The following ITGA2 variants were observed in gnomAD, a reference collection of about 807,000 sequenced individuals.
ITGA2 encodes the protein integrin subunit alpha 2, also known as integrin alpha-2.
Under a neutral mutation model 146.3 loss-of-function variants are expected in ITGA2, and 101 were observed. That is an observed-to-expected ratio of 0.69 (90% CI 0.59 to 0.81). ITGA2 has a LOEUF of 0.81. Ranked by LOEUF, ITGA2 falls within the 40% of genes least tolerant of loss-of-function variation. The pLI, the probability that ITGA2 is intolerant of heterozygous loss-of-function variation, is 0.00. For missense variants in ITGA2, 1,281 were observed against 1,402.7 expected, an observed-to-expected ratio of 0.91 and a Z score of 1.39; for synonymous variants, 477 against 487.1, an observed-to-expected ratio of 0.98 and a Z score of 0.27.
intron 1 of ITGA2, among the ~76,000 whole-genome samples, chr5:53,011,737 G>A (rs894712262): frequency 9.2e-5 from 9 of 97,678 alleles, no homozygotes; most frequent in Admixed American, 4.5e-4. Context: ...ATATGTGAGT[G>A]GGGGGGAGTG....
intron 20 of ITGA2, 49 bp from the exon 21 acceptor site, chr5:53,074,336 C>T: frequency 6.7e-7 from 1 of 1,482,652 alleles, no homozygotes; most frequent in Non-Finnish European, 9.4e-7. Context: ...CATACACACA[C>T]AAATGTTGTA....
rs1418173514 is a variant in ITGA2, at chr5:53,092,582, C to T, written c.*1983C>T. ...GTATGCCAGAGTCCAATTCTTTTAA[C>T]AGCTGTGAGAATTTGCTGCTTCATT... On this transcript the variant is annotated 3_prime_UTR_variant, in exon 30 of 30. Coordinates refer to ENST00000296585, the MANE Select transcript of ITGA2 (RefSeq NM_002203.4). The T allele has an allele frequency of 1.3e-5, 2 of 149,730 alleles. No individual in the cohort carries two copies. Among genetic ancestry groups the T allele is most frequent in the South Asian group, 2.1e-4 (1 of 4,746 alleles). The allele number at this position is 149,730 out of a possible 1,614,324, so 9.3% of individuals were successfully genotyped here.
At chr5:53,071,017 G>A (rs1462346395) in intron 17 of ITGA2, among the ~76,000 whole-genome samples, 1 of 151,914 alleles carries the variant, frequency 6.6e-6, no homozygotes, top group Non-Finnish European at 1.5e-5. Flanking sequence ...ATCTAGGTTT[G>A]AAGGCCCAAG....
At chr5:53,046,205 A>C (rs1744075526) in intron 4 of ITGA2, among the ~76,000 whole-genome samples, 1 of 151,522 alleles carries the variant, frequency 6.6e-6, no homozygotes, top group African/African-American at 2.4e-5. Context: ...AAAAAAAAAA[A>C]AAAAAAAAAA....
At chr5:53,066,559 A>G (rs1419336463) in intron 15 of ITGA2, among the ~76,000 whole-genome samples, 3 of 151,896 alleles carry the variant, frequency 2.0e-5, no homozygotes, top group Non-Finnish European at 4.4e-5. Flanking sequence ...TGTTTATTCA[A>G]TCAAGAATCT....
Position 53,059,855 on chromosome 5 carries a change from C to A in ITGA2, c.1174-19C>A. ...AAAGGTGATTTGTTTCAATGATCTT[C>A]ATTTTTCAATTATTTTAGGATATTC... is the stretch of plus-strand genomic sequence containing the variant. On this transcript the variant is annotated intron_variant, in intron 10 of 29. Transcript: ENST00000296585. The A allele has an allele frequency of 6.2e-7, 1 of 1,610,284 alleles. No homozygotes were observed. The highest frequency in any genetic ancestry group is 8.5e-7 in the Non-Finnish European group (1 of 1,177,628).
At chr5:53,088,258 T>C (rs906331991) in intron 28 of ITGA2, among the ~76,000 whole-genome samples, 3 of 152,324 alleles carry the variant, frequency 2.0e-5, no homozygotes, top group East Asian at 3.9e-4. Context: ...GTATTAAATA[T>C]ATCAATTGGA....
chr5:53,001,614 T>A (rs1390676218), intron 1 of ITGA2, among the ~76,000 whole-genome samples: 1 of 152,126 alleles, frequency 6.6e-6, no homozygotes, highest in Non-Finnish European at 1.5e-5. Flanking sequence ...GCAGAAGGAT[T>A]GTTTGAGGCC....
intron 1 of ITGA2, among the ~76,000 whole-genome samples, chr5:52,996,333 G>A (rs1741250345): frequency 6.6e-6 from 1 of 152,072 alleles, no homozygotes; most frequent in African/African-American, 2.4e-5. Flanking sequence ...CTGAGGGAAG[G>A]GGAGGAGCTT....
intron 1 of ITGA2, among the ~76,000 whole-genome samples, chr5:53,019,007 T>C (rs1742539632): frequency 6.6e-6 from 1 of 152,078 alleles, no homozygotes; most frequent in East Asian, 1.9e-4. Flanking sequence ...GAGGTTGCAG[T>C]GAGCGGAGAT....
intron 1 of ITGA2, among the ~76,000 whole-genome samples, chr5:52,992,145 A>G (rs929947198): frequency 3.9e-5 from 6 of 152,136 alleles, no homozygotes; most frequent in Non-Finnish European, 5.9e-5. Flanking sequence ...TATTGTAAAA[A>G]AAATATTTCT....
In ITGA2 at chr5:53,092,122, C is replaced by T. The variant is rs1386002743; in HGVS notation, c.*1523C>T. 2 of 152,142 alleles carry T rather than the reference C, an allele frequency of 1.3e-5. No homozygotes were observed. Among genetic ancestry groups the T allele is most frequent in the Non-Finnish European group, 2.9e-5 (2 of 68,044 alleles). The allele number at this position is 152,142 out of a possible 1,614,324, so 9.4% of individuals were successfully genotyped here. ...CACCACCCATTTCTACTTTTTGCACCTTATTTTCTCTGTTCCTGAGCCCCC... is the reference window on the plus strand; with the variant it reads ...CACCACCCATTTCTACTTTTTGCACTTTATTTTCTCTGTTCCTGAGCCCCC... On this transcript the variant is annotated 3_prime_UTR_variant, in exon 30 of 30. Coordinates refer to ENST00000296585, the MANE Select transcript of ITGA2 (RefSeq NM_002203.4).
intron 24 of ITGA2, 115 bp from the exon 25 acceptor site, chr5:53,080,396 T>G (rs760782192): frequency 5.0e-6 from 4 of 802,776 alleles, no homozygotes; most frequent in Non-Finnish European, 6.6e-6. Flanking sequence ...TGACTTTCAT[T>G]TGGACTCAGT....
At chr5:53,019,499 G>A (rs1048002631) in intron 1 of ITGA2, among the ~76,000 whole-genome samples, 1 of 151,970 alleles carries the variant, frequency 6.6e-6, no homozygotes, top group African/African-American at 2.4e-5. Context: ...CAACAGTCAT[G>A]GTATTGCAGG....
At chr5:53,055,734 C>T in intron 8 of ITGA2, 46 bp downstream of exon 8, 1 of 1,603,118 alleles carries the variant, frequency 6.2e-7, no homozygotes, top group South Asian at 1.1e-5. Context: ...TTGGGTAAAT[C>T]TTTCTTTATA....
Position 53,075,241 on chromosome 5 carries a change from A to G in ITGA2, c.2762A>G (p.Lys921Arg), listed in dbSNP as rs574296710. 1.6e-5 allele frequency: 26 copies of G among 1,612,730 alleles called. No homozygotes were observed. Among genetic ancestry groups the G allele is most frequent in the African/African-American group, 1.6e-4 (12 of 74,944 alleles). ...QALSESQEEN[K>R]ADNLVNLKIP... ...TATAGTGAAAGCCAAGAAGAAAACA[A>G]GGCTGATAATTTGGTCAACCTCAAA... The change falls in exon 23 of 30, where the codon AAG (lysine) becomes AGG (arginine). Residue 921 changes from lysine (K) to arginine (R), a missense_variant. Coordinates refer to ENST00000296585, the MANE Select transcript of ITGA2 (RefSeq NM_002203.4).
chr5:52,990,568 GTTT>G lies in ITGA2; in HGVS notation c.64+1052_64+1054del, dbSNP rs59093202. On this transcript the variant is annotated intron_variant, in intron 1 of 29. Transcript: ENST00000296585. ...TCTCTGATTTTAAAGTGTGTGTGTG[GTTT>G]TTTTTTTTTTTTTTTACAAAGAAGA... Among the ~76,000 whole-genome samples the G allele has an allele frequency of 4.4e-3, 637 of 143,982 alleles. 3 individuals are homozygous for G. Among genetic ancestry groups the G allele is most frequent in the African/African-American group, 0.012 (478 of 39,040 alleles). 94.5% of individuals were successfully genotyped at this position (143,982 alleles called of 152,430 possible).
chr5:53,081,102 T>C (rs902711324), intron 25 of ITGA2, among the ~76,000 whole-genome samples: 3 of 152,118 alleles, frequency 2.0e-5, no homozygotes, highest in African/African-American at 7.2e-5. Flanking sequence ...GGGGTAAGAT[T>C]CTTACACCAG....
Position 53,078,763 on chromosome 5 carries a change from A to G in ITGA2, c.2826-9A>G. On this transcript the variant is annotated splice_polypyrimidine_tract_variant and intron_variant, in intron 23 of 29. Coordinates refer to ENST00000296585, the MANE Select transcript of ITGA2 (RefSeq NM_002203.4). The stretch of plus-strand genomic sequence containing the variant: ...TAAAATATTTGGCTTTACAAACATC[A>G]TCCAACAGATCTACCAACATAAATT... 1 of 1,521,032 alleles carries G rather than the reference A, an allele frequency of 6.6e-7. No individual in the cohort carries two copies. Among genetic ancestry groups the G allele is most frequent in the Non-Finnish European group, 9.1e-7 (1 of 1,096,020 alleles). The allele number at this position is 1,521,032 out of a possible 1,614,324, so 94.2% of individuals were successfully genotyped here. A position where few individuals can be genotyped will look rare whatever the true frequency, so the allele number is the denominator to read the frequency against.
Sources: gnomAD v4.1 joint callset for allele counts (sites outside exome capture counted in the v4.1 genomes callset) on GRCh38, gnomAD v4.1.1 for gene constraint, MANE v1.5 for transcripts, NCBI Gene and HGNC (gene_info 2026-07-23, HGNC 2026-07-21) for gene names.